Variants in FAM168A observed in about 807,000 individuals in gnomAD.
The protein encoded by FAM168A is protein FAM168A.
FAM168A carries 3 observed loss-of-function variants against 28.5 expected under a neutral mutation model. That is an observed-to-expected ratio of 0.11 (90% CI 0.05 to 0.27). FAM168A has a LOEUF of 0.27. FAM168A is among the 10% of genes least tolerant of loss of function. The pLI is 1.00. For missense variants in FAM168A, 222 were observed against 311.5 expected (o/e 0.71, Z 2.16); for synonymous variants, 122 against 124.2 (o/e 0.98, Z 0.12).
At chr11:73,587,657 C>G (rs994457481) in intron 1 of FAM168A, among the ~76,000 whole-genome samples, 1 of 151,604 alleles carries the variant, frequency 6.6e-6, no homozygotes, top group Non-Finnish European at 1.5e-5. Flanking sequence ...AACTCCATCT[C>G]AAAAAAAAGT....
At chr11:73,561,748 C>A (rs184646659) in intron 1 of FAM168A, among the ~76,000 whole-genome samples, 3 of 152,002 alleles carry the variant, frequency 2.0e-5, no homozygotes, top group Non-Finnish European at 4.4e-5. Flanking sequence ...CTTTATGAGG[C>A]CTCCCTTCTT....
At chr11:73,548,230 GT>G (rs1943784152) in intron 1 of FAM168A, among the ~76,000 whole-genome samples, 1 of 152,054 alleles carries the variant, frequency 6.6e-6, no homozygotes, top group Admixed American at 6.6e-5. Flanking sequence ...TAAATTTTAT[GT>G]TTTTCATCAC....
intron 2 of FAM168A, among the ~76,000 whole-genome samples, chr11:73,445,222 G>A (rs1867279537): frequency 6.6e-6 from 1 of 150,396 alleles, no homozygotes; most frequent in Admixed American, 6.6e-5. Flanking sequence ...TGGCGACATT[G>A]CACTCCAGCC....
chr11:73,549,261 T>G lies in FAM168A; in HGVS notation c.-19+48662A>C, dbSNP rs190266090. Among the ~76,000 whole-genome samples the G allele has an allele frequency of 1.1e-3, 161 of 152,314 alleles. 2 individuals are homozygous for G. Among genetic ancestry groups the G allele is most frequent in the South Asian group, 2.9e-3 (14 of 4,828 alleles). ...CTGGCCTCCATAGACATTTCTATCATAGTACCTACTACACTTAATTGTACT... is the reference window on the plus strand; with the variant it reads ...CTGGCCTCCATAGACATTTCTATCAGAGTACCTACTACACTTAATTGTACT... On this transcript the variant is annotated intron_variant, in intron 1 of 7. Transcript: ENST00000356467.
intron 2 of FAM168A, among the ~76,000 whole-genome samples, chr11:73,454,002 C>T (rs185878854): frequency 6.6e-6 from 1 of 152,334 alleles, no homozygotes; most frequent in African/African-American, 2.4e-5. Context: ...TCATAGGATA[C>T]TTATGGACAG....
chr11:73,449,166 C>T (rs1867380338), intron 2 of FAM168A, among the ~76,000 whole-genome samples: 1 of 152,024 alleles, frequency 6.6e-6, no homozygotes, highest in Admixed American at 6.6e-5. Flanking sequence ...GCCAGGGTCT[C>T]TCTATGTTGC....
chr11:73,462,738 T>C (rs1056602457), intron 2 of FAM168A, among the ~76,000 whole-genome samples: 1 of 151,856 alleles, frequency 6.6e-6, no homozygotes, highest in East Asian at 1.9e-4. Flanking sequence ...TAGCCAGGCA[T>C]AGTGGTACGT....
At chr11:73,503,768 C>T (rs1053462562) in intron 1 of FAM168A, among the ~76,000 whole-genome samples, 2 of 152,178 alleles carry the variant, frequency 1.3e-5, no homozygotes, top group Non-Finnish European at 2.9e-5. Context: ...TACTACAAGG[C>T]TACAGTAACC....
intron 1 of FAM168A, among the ~76,000 whole-genome samples, chr11:73,478,458 A>C (rs1590805203): frequency 1.3e-5 from 2 of 152,300 alleles, no homozygotes; most frequent in East Asian, 1.9e-4. Context: ...TCTGGGACTC[A>C]GAGCAGGAAT....
At chr11:73,469,800 A>C (rs1867787940) in intron 1 of FAM168A, among the ~76,000 whole-genome samples, 3 of 152,282 alleles carry the variant, frequency 2.0e-5, no homozygotes, top group Non-Finnish European at 4.4e-5. Flanking sequence ...TCTCACAGCC[A>C]GAGTTATCTA....
chr11:73,536,547 C>T (rs1387228213), intron 1 of FAM168A, among the ~76,000 whole-genome samples: 3 of 152,094 alleles, frequency 2.0e-5, no homozygotes, highest in Non-Finnish European at 2.9e-5. Flanking sequence ...ATTAGTTGGG[C>T]GTGGTGGTGC....
chr11:73,420,916 A>C (rs1170954664), intron 3 of FAM168A: 2 of 152,632 alleles, frequency 1.3e-5, no homozygotes, highest in Non-Finnish European at 2.9e-5. Context: ...GGGAAGGAGA[A>C]GAGAAACAGA....
intron 1 of FAM168A, among the ~76,000 whole-genome samples, chr11:73,529,771 T>TC (rs1943492815): frequency 6.7e-6 from 1 of 149,880 alleles, no homozygotes; most frequent in Non-Finnish European, 1.5e-5. Context: ...CAAGAGACAT[T>TC]CCTTCATTCA....
intron 1 of FAM168A, among the ~76,000 whole-genome samples, chr11:73,474,486 C>T (rs560795239): frequency 6.6e-6 from 1 of 152,182 alleles, no homozygotes; most frequent in East Asian, 1.9e-4. Context: ...AAAGCTGGCT[C>T]CTCAAAAGCC....
rs1227186087 is a variant in FAM168A at position 73,541,372 on chromosome 11, C to CT, written c.-19+56550dup. ...TAACTTTAGACAAGTGCCTAAACTT[C>CT]TTTTTTTTTTTTTTCTTTGAGACAG... On this transcript the variant is annotated intron_variant, in intron 1 of 7. Coordinates refer to ENST00000356467, the MANE Select transcript of FAM168A (RefSeq NM_015159.3). 3.3e-3 allele frequency among the ~76,000 whole-genome samples: 464 copies of CT among 142,760 alleles called. 4 individuals carry two copies. Among genetic ancestry groups the CT allele is most frequent in the Non-Finnish European group, 3.3e-3 (212 of 64,818 alleles). 93.7% of individuals were successfully genotyped at this position (142,760 alleles called of 152,430 possible).
At chr11:73,502,032 C>T (rs796495560) in intron 1 of FAM168A, among the ~76,000 whole-genome samples, 87 of 146,910 alleles carry the variant, frequency 5.9e-4, no homozygotes, top group African/African-American at 2.1e-3. Flanking sequence ...ACCCCGGAGG[C>T]GGAGCTTGCA....
chr11:73,569,991 G>A (rs150411971), intron 1 of FAM168A, among the ~76,000 whole-genome samples: 103 of 152,228 alleles, frequency 6.8e-4, no homozygotes, highest in African/African-American at 2.4e-3. Flanking sequence ...ATGATCTTGT[G>A]TAATTAACTC....
chr11:73,422,877 C>T (rs1426934528), intron 3 of FAM168A, among the ~76,000 whole-genome samples: 2 of 152,238 alleles, frequency 1.3e-5, no homozygotes, highest in African/African-American at 2.4e-5. Context: ...GGGTTGTTCA[C>T]TTCCCTGGAT....
chr11:73,553,619 TTTAACAAATACTTAGTCCC>T (rs1437847057), intron 1 of FAM168A, among the ~76,000 whole-genome samples: 1 of 152,156 alleles, frequency 6.6e-6, no homozygotes, highest in Non-Finnish European at 1.5e-5. Flanking sequence ...CACTCTTTCA[TTTAACAAATACTTAGTCCC>T]TGCAATGATC....
Sources: gnomAD v4.1 joint callset for allele counts (sites outside exome capture counted in the v4.1 genomes callset) on GRCh38, gnomAD v4.1.1 for gene constraint, MANE v1.5 for transcripts, NCBI Gene and HGNC (gene_info 2026-07-23, HGNC 2026-07-21) for gene names.